Variants in LYPD6 observed in about 807,000 individuals in gnomAD.
The protein encoded by LYPD6 is ly6/PLAUR domain-containing protein 6.
LYPD6 carries 15 observed loss-of-function variants against 22.7 expected under a neutral mutation model. The observed-to-expected ratio is 0.66, with a 90% confidence interval of 0.44 to 1.02. LYPD6 has a LOEUF of 1.02. Ranked by LOEUF, LYPD6 falls within the 50% of genes least tolerant of loss-of-function variation. The probability of loss-of-function intolerance (pLI) is 0.00; values close to 1 mark genes in which losing one functional copy is unlikely to be tolerated. For synonymous variants in LYPD6, 72 were observed against 77.5 expected, an observed-to-expected ratio of 0.93 and a Z score of 0.37; for missense variants, 189 against 208.4, an observed-to-expected ratio of 0.91 and a Z score of 0.57.
chr2:149,417,417 GAAAGA>G (rs1682988569), intron 1 of LYPD6, among the ~76,000 whole-genome samples: 2 of 152,134 alleles, frequency 1.3e-5, no homozygotes, highest in African/African-American at 2.4e-5. Context: ...AGAATGTTTG[GAAAGA>G]AAAGAAACAG....
chr2:149,450,346 A>T (rs958905696), intron 3 of LYPD6, among the ~76,000 whole-genome samples: 1 of 152,180 alleles, frequency 6.6e-6, no homozygotes, highest in Non-Finnish European at 1.5e-5. Flanking sequence ...TAAGAATCAC[A>T]GCTCTACACA....
intron 1 of LYPD6, among the ~76,000 whole-genome samples, chr2:149,403,575 GTTGT>G (rs1682616041): frequency 7.4e-6 from 1 of 135,256 alleles, no homozygotes; most frequent in East Asian, 2.0e-4. Flanking sequence ...TTTTGATGGG[GTTGT>G]TTGTTTTTTT....
chr2:149,432,712 C>G (rs1053534191), intron 1 of LYPD6, among the ~76,000 whole-genome samples: 1 of 152,206 alleles, frequency 6.6e-6, no homozygotes, highest in Non-Finnish European at 1.5e-5. Context: ...ATTTCCATCT[C>G]TCTTTTCCCC....
At chr2:149,349,191 T>G (rs1209921935) in intron 1 of LYPD6, among the ~76,000 whole-genome samples, 1 of 152,070 alleles carries the variant, frequency 6.6e-6, no homozygotes, top group Non-Finnish European at 1.5e-5. Flanking sequence ...GGGCTGAAGA[T>G]GTAATGATGG....
chr2:149,363,392 A>G (rs1268586868), intron 1 of LYPD6, among the ~76,000 whole-genome samples: 1 of 152,176 alleles, frequency 6.6e-6, no homozygotes, highest in Non-Finnish European at 1.5e-5. Context: ...GTGTTTTAAT[A>G]ATTTTCCCCC....
chr2:149,481,682 A>T, the LYPD6 span, among the ~76,000 whole-genome samples: 1 of 152,250 alleles, frequency 6.6e-6, no homozygotes, highest in Non-Finnish European at 1.5e-5. Flanking sequence ...GTCAAATGAG[A>T]ATAGTGCTAA....
intron 1 of LYPD6, among the ~76,000 whole-genome samples, chr2:149,345,488 G>A (rs796820909): frequency 9.4e-6 from 1 of 106,192 alleles, no homozygotes; most frequent in Non-Finnish European, 2.0e-5. Flanking sequence ...TTTTTTTTTT[G>A]TATTTTTTAG....
chr2:149,367,331 A>G (rs760309440), intron 1 of LYPD6, among the ~76,000 whole-genome samples: 4 of 152,160 alleles, frequency 2.6e-5, no homozygotes, highest in Non-Finnish European at 4.4e-5. Flanking sequence ...CTCAGTTCCT[A>G]ACTGCTTTGG....
intron 1 of LYPD6, among the ~76,000 whole-genome samples, chr2:149,342,751 G>A (rs1325434187): frequency 6.6e-6 from 1 of 152,166 alleles, no homozygotes; most frequent in East Asian, 1.9e-4. Context: ...TAGAATCACA[G>A]CCAACTGGCT....
Position 149,402,157 on chromosome 2 carries a change from A to G in LYPD6, c.-71-35481A>G, listed in dbSNP as rs982493629. 6.6e-5 allele frequency among the ~76,000 whole-genome samples: 10 copies of G among 152,008 alleles called. No homozygotes were observed. The South Asian group carries it at 1.0e-3, about 16-fold the overall frequency. On this transcript the variant is annotated intron_variant, in intron 1 of 4. Transcript: ENST00000334166. ...AAAAAAAAAAGAATAATAGTCTCCA[A>G]TTCCATCCAGGTTGCTGCAAATGCC...
chr2:149,423,136 G>A (rs1683116134), intron 1 of LYPD6, among the ~76,000 whole-genome samples: 1 of 151,980 alleles, frequency 6.6e-6, no homozygotes, highest in South Asian at 2.1e-4. Context: ...GGAGGTACAG[G>A]GTGACCTCAT....
At chr2:149,345,143 A>C (rs1457846634) in intron 1 of LYPD6, among the ~76,000 whole-genome samples, 2 of 152,132 alleles carry the variant, frequency 1.3e-5, no homozygotes, top group Non-Finnish European at 2.9e-5. Flanking sequence ...AAGAGTAAGG[A>C]TTCACACTGA....
intron 3 of LYPD6, among the ~76,000 whole-genome samples, chr2:149,450,451 A>G (rs2105163711): frequency 6.6e-6 from 1 of 152,304 alleles, no homozygotes; most frequent in East Asian, 1.9e-4. Context: ...AACCACAGGG[A>G]GCTCCTCTAC....
intron 1 of LYPD6, among the ~76,000 whole-genome samples, chr2:149,348,037 G>A (rs187551654): frequency 1.9e-4 from 19 of 101,950 alleles, no homozygotes; most frequent in African/African-American, 5.5e-4. Flanking sequence ...CCAACATTGC[G>A]AAACCCTGAC....
Position 149,437,769 on chromosome 2 carries a change from A to T in LYPD6, c.61A>T (p.Lys21Ter), listed in dbSNP as rs375802214. The T allele has an allele frequency of 1.4e-4, 224 of 1,614,022 alleles. No homozygotes were observed. Among genetic ancestry groups the T allele is most frequent in the Non-Finnish European group, 1.8e-4 (215 of 1,180,016 alleles). ...CCTGAGCCTGCTGGCGGATTGTCTG[A>T]AAGCTGCTCAGTCCCGAGACTTCAC... is the stretch of plus-strand genomic sequence containing the variant. Reference protein sequence around the residue: ...LLLSLLADCLKAAQSRDFTVK... With the variant: ...LLLSLLADCL Residue 21 changes from lysine to a stop codon, truncating the protein, a stop_gained, in exon 2 of 5, where the codon AAA (lysine) becomes TAA (stop). Transcript: ENST00000334166. LOFTEE classifies it high-confidence loss of function.
At chr2:149,367,489 A>C (rs559283165) in intron 1 of LYPD6, among the ~76,000 whole-genome samples, 44 of 152,320 alleles carry the variant, frequency 2.9e-4, no homozygotes, top group Non-Finnish European at 5.0e-4. Context: ...CCGACACTAA[A>C]GGGCAGGAGA....
intron 1 of LYPD6, among the ~76,000 whole-genome samples, chr2:149,434,471 C>T (rs550775945): frequency 1.3e-5 from 2 of 152,318 alleles, no homozygotes; most frequent in Non-Finnish European, 2.9e-5. Context: ...ACATTTCTCA[C>T]TCCCATCTGC....
intron 1 of LYPD6, among the ~76,000 whole-genome samples, chr2:149,389,190 A>G (rs899104359): frequency 2.0e-5 from 3 of 152,152 alleles, no homozygotes; most frequent in African/African-American, 4.8e-5. Flanking sequence ...CTTAATTTCC[A>G]TTCTGATAAT....
intron 1 of LYPD6, among the ~76,000 whole-genome samples, chr2:149,420,043 C>A (rs911265819): frequency 6.6e-6 from 1 of 152,182 alleles, no homozygotes; most frequent in Non-Finnish European, 1.5e-5. Flanking sequence ...GAATCCCAGG[C>A]CTGCCTGCTT....
Sources: gnomAD v4.1 joint callset for allele counts (sites outside exome capture counted in the v4.1 genomes callset) on GRCh38, gnomAD v4.1.1 for gene constraint, MANE v1.5 for transcripts, NCBI Gene and HGNC (gene_info 2026-07-23, HGNC 2026-07-21) for gene names.